IGSF11: variants seen among roughly 807,000 people sequenced by gnomAD.
IGSF11 encodes the protein CXADR like 1.
In IGSF11, 22 loss-of-function variants were observed where a neutral mutation model predicts 41.0. That is an observed-to-expected ratio of 0.54 (90% CI 0.38 to 0.77). The LOEUF (loss-of-function observed/expected upper bound fraction) is 0.77. Among genes scored for constraint, IGSF11 ranks in the 30% least tolerant of loss-of-function variants. The pLI, the probability that IGSF11 is intolerant of heterozygous loss-of-function variation, is 0.00. For synonymous variants in IGSF11, 219 were observed against 201.3 expected, an observed-to-expected ratio of 1.09 and a Z score of -0.74; for missense variants, 444 against 530.8, an observed-to-expected ratio of 0.84 and a Z score of 1.61.
At chr3:119,002,505 T>G (rs1294731013) in intron 1 of IGSF11, among the ~76,000 whole-genome samples, 1 of 131,008 alleles carries the variant, frequency 7.6e-6, no homozygotes, top group Non-Finnish European at 1.6e-5. Flanking sequence ...TTTTGGCTTT[T>G]GTTGCCATTG....
chr3:119,030,505 C>T (rs931673669), intron 1 of IGSF11, among the ~76,000 whole-genome samples: 2 of 151,906 alleles, frequency 1.3e-5, no homozygotes, highest in Non-Finnish European at 2.9e-5. Flanking sequence ...TCTTGGGTGG[C>T]AGAAAACCAG....
At position 118,927,561 on chromosome 3, in the gene IGSF11, G is replaced by A. The variant is rs576242417; in HGVS notation, c.424+948C>T. On this transcript the variant is annotated intron_variant, in intron 3 of 6. Coordinates refer to ENST00000393775, the MANE Select transcript of IGSF11 (RefSeq NM_001015887.3). ...AAGGCTGGGAGAAAAAGGCACCAAA[G>A]GCCGAGGGAAAATGACAAGAATTCC... is the stretch of plus-strand genomic sequence containing the variant. 2.0e-4 allele frequency among the ~76,000 whole-genome samples: 31 copies of A among 152,198 alleles called. No homozygotes were observed. In the East Asian group the frequency reaches 5.6e-3, roughly 28 times the overall value.
intron 1 of IGSF11, among the ~76,000 whole-genome samples, chr3:119,101,025 T>G (rs1035124590): frequency 2.6e-5 from 4 of 152,322 alleles, no homozygotes; most frequent in African/African-American, 9.6e-5. Context: ...ATAGATGTTG[T>G]CTTCAACTCC....
intron 1 of IGSF11, chr3:118,981,764 A>G (rs11922973): frequency 0.075 from 11,383 of 152,456 alleles, 505 homozygotes; most frequent in East Asian, 0.13. Flanking sequence ...TAAACCCACC[A>G]ATTAGAACTC....
intron 1 of IGSF11, among the ~76,000 whole-genome samples, chr3:119,062,086 A>G (rs750988172): frequency 6.6e-6 from 1 of 152,170 alleles, no homozygotes; most frequent in African/African-American, 2.4e-5. Flanking sequence ...GAATCAGGTA[A>G]TATGTATGAA....
At chr3:118,921,520 C>T (rs1941797254) in intron 4 of IGSF11, among the ~76,000 whole-genome samples, 1 of 152,070 alleles carries the variant, frequency 6.6e-6, no homozygotes, top group Non-Finnish European at 1.5e-5. Flanking sequence ...TTAGTAGGGA[C>T]TTACACATGC....
intron 1 of IGSF11, among the ~76,000 whole-genome samples, chr3:119,118,661 A>C (rs1300091338): frequency 6.6e-6 from 1 of 152,172 alleles, no homozygotes; most frequent in Non-Finnish European, 1.5e-5. Context: ...AGCCAGCTTG[A>C]ATTTCTGCTC....
intron 4 of IGSF11, among the ~76,000 whole-genome samples, chr3:118,911,876 C>T (rs1355932591): frequency 2.0e-5 from 3 of 152,068 alleles, no homozygotes; most frequent in East Asian, 3.9e-4. Flanking sequence ...GAGAGTGGGA[C>T]CATGGTGATA....
chr3:118,989,700 A>G (rs1935606202), intron 1 of IGSF11, among the ~76,000 whole-genome samples: 1 of 152,130 alleles, frequency 6.6e-6, no homozygotes, highest in Non-Finnish European at 1.5e-5. Flanking sequence ...GAAGCTAACA[A>G]TTTTTTAAAT....
chr3:119,064,324 A>G (rs911992642), intron 1 of IGSF11, among the ~76,000 whole-genome samples: 1 of 152,200 alleles, frequency 6.6e-6, no homozygotes, highest in African/African-American at 2.4e-5. Flanking sequence ...CAACTGCAGC[A>G]TAGCCTTTGT....
chr3:118,925,899 G>A (rs1252664110), intron 4 of IGSF11: 2 of 339,970 alleles, frequency 5.9e-6, no homozygotes, highest in Non-Finnish European at 1.1e-5. Flanking sequence ...ACCACTGGAT[G>A]AAATACATTT....
chr3:119,007,372 C>G (rs975047895), intron 1 of IGSF11, among the ~76,000 whole-genome samples: 9 of 145,414 alleles, frequency 6.2e-5, no homozygotes, highest in Non-Finnish European at 1.3e-4. Flanking sequence ...CTGGCACTCC[C>G]TAGTGAGATG....
chr3:118,913,738 T>A (rs1940654070), intron 4 of IGSF11, among the ~76,000 whole-genome samples: 1 of 152,060 alleles, frequency 6.6e-6, no homozygotes. Flanking sequence ...ATGGCAAACT[T>A]GTGGGTAAAT....
intron 1 of IGSF11, among the ~76,000 whole-genome samples, chr3:119,122,054 A>G (rs569653930): frequency 2.8e-4 from 42 of 152,272 alleles, no homozygotes; most frequent in Admixed American, 5.9e-4. Context: ...CAAATTTAAC[A>G]AGTATCTACA....
intron 4 of IGSF11, among the ~76,000 whole-genome samples, chr3:118,921,924 T>C (rs1256724078): frequency 1.3e-5 from 2 of 152,040 alleles, no homozygotes; most frequent in East Asian, 3.8e-4. Flanking sequence ...ATGCCCAACT[T>C]ATTCATACTA....
intron 1 of IGSF11, among the ~76,000 whole-genome samples, chr3:118,969,551 A>T (rs777755369): frequency 1.3e-5 from 2 of 152,174 alleles, no homozygotes; most frequent in Admixed American, 1.3e-4. Flanking sequence ...TCCCCCGTGA[A>T]AAAAGCAAGA....
chr3:119,079,217 G>T lies in IGSF11; in HGVS notation c.49+25927C>A, dbSNP rs528633890. 9.2e-5 allele frequency among the ~76,000 whole-genome samples: 14 copies of T among 152,136 alleles called. 1 individual carries two copies. Among genetic ancestry groups the T allele is most frequent in the African/African-American group, 3.1e-4 (13 of 41,494 alleles). On this transcript the variant is annotated intron_variant, in intron 1 of 6. Transcript: ENST00000354673. ...TACTAAAAATACAAAAAATTAGCCG[G>T]GTGTGGTGGTGGGTGCCTGTAATCC...
intron 1 of IGSF11, among the ~76,000 whole-genome samples, chr3:119,094,052 C>A (rs2076807351): frequency 1.3e-5 from 2 of 151,060 alleles, no homozygotes; most frequent in South Asian, 2.1e-4. Context: ...CGGTAAATCA[C>A]CTCATGAGGT....
intron 1 of IGSF11, among the ~76,000 whole-genome samples, chr3:119,004,361 TTATTA>T (rs1937251395): frequency 6.6e-6 from 1 of 150,962 alleles, no homozygotes; most frequent in Non-Finnish European, 1.5e-5. Flanking sequence ...CTTTTTTTCT[TTATTA>T]GTCTTGCTAG....
Sources: allele counts gnomAD v4.1 joint callset (sites outside exome capture counted in the v4.1 genomes callset), GRCh38; gene constraint gnomAD v4.1.1; transcripts MANE v1.5; gene names NCBI Gene and HGNC (gene_info 2026-07-23, HGNC 2026-07-21).